NCR1: variants seen among roughly 807,000 people sequenced by gnomAD.
NCR1 encodes NK cell-activating receptor.
Under a neutral mutation model 32.5 loss-of-function variants are expected in NCR1, and 30 were observed. The observed-to-expected ratio is 0.92, with a 90% confidence interval of 0.69 to 1.25. The LOEUF is 1.25. Ranked by LOEUF, NCR1 falls within the 50% of genes most tolerant of loss-of-function variation. NCR1 has a pLI of 0.00. For synonymous variants in NCR1, 169 were observed against 143.4 expected (o/e 1.18, Z -1.28); for missense variants, 369 against 380.7 (o/e 0.97, Z 0.26).
chr19:54,931,230 T>C, the NCR1 span, among the ~76,000 whole-genome samples: 43 of 152,158 alleles, frequency 2.8e-4, no homozygotes, highest in Middle Eastern at 6.8e-3. Flanking sequence ...AAGACCAGCC[T>C]GGCCAACATG....
At chr19:54,901,078 A>T in the NCR1 span, among the ~76,000 whole-genome samples, 2 of 143,302 alleles carry the variant, frequency 1.4e-5, no homozygotes, top group Non-Finnish European at 3.0e-5. Flanking sequence ...AGGTCAGGAG[A>T]TGGAGACCAT....
chr19:54,923,441 C>T, the NCR1 span: 3 of 469,040 alleles, frequency 6.4e-6, no homozygotes, highest in African/African-American at 5.9e-5. Context: ...GCAATACTTC[C>T]TCCTAGACAA....
chr19:54,924,326 GA>G, the NCR1 span, among the ~76,000 whole-genome samples: 93 of 152,066 alleles, frequency 6.1e-4, no homozygotes, highest in African/African-American at 2.2e-3. Flanking sequence ...ATAAGTCTAA[GA>G]AAAAAAAGAT....
At chr19:54,923,885 G>C in the NCR1 span, 1 of 1,611,046 alleles carries the variant, frequency 6.2e-7, no homozygotes, top group Non-Finnish European at 8.5e-7. Context: ...GGAGGGATCA[G>C]AGAACACAAA....
At chr19:54,930,794 C>T in the NCR1 span, 6 of 774,364 alleles carry the variant, frequency 7.7e-6, no homozygotes, top group African/African-American at 8.5e-5. Context: ...TGGCTCACTG[C>T]AACCTCTGCC....
the NCR1 span, among the ~76,000 whole-genome samples, chr19:54,898,264 C>T: frequency 4.6e-5 from 7 of 152,166 alleles, no homozygotes; most frequent in Non-Finnish European, 7.3e-5. Flanking sequence ...AGTGGGGTCC[C>T]GCACAGATGG....
chr19:54,903,527 C>CAT (rs142981957), upstream of NCR1, among the ~76,000 whole-genome samples: 1 of 126,866 alleles, frequency 7.9e-6, no homozygotes, highest in African/African-American at 3.0e-5. Context: ...TGTGTGTATA[C>CAT]ATATATATGC....
At chr19:54,913,287 C>G (rs1352582561), downstream of NCR1, 1 of 156,214 alleles carries the variant, frequency 6.4e-6, no homozygotes, top group African/African-American at 2.4e-5. Flanking sequence ...CTCCTGACCT[C>G]AAGTGATCTC....
the NCR1 span, among the ~76,000 whole-genome samples, chr19:54,900,057 T>A: frequency 8.5e-5 from 13 of 152,248 alleles, no homozygotes; most frequent in Admixed American, 5.9e-4. Flanking sequence ...ATTGGTGAGA[T>A]GTTCCTTGGG....
the NCR1 span, among the ~76,000 whole-genome samples, chr19:54,935,283 G>T: frequency 7.2e-5 from 11 of 151,982 alleles, no homozygotes; most frequent in Non-Finnish European, 1.6e-4. Context: ...AGGCTGGAGT[G>T]CAGTGGCATG....
the NCR1 span, among the ~76,000 whole-genome samples, chr19:54,922,725 C>T: frequency 1.4e-5 from 2 of 138,182 alleles, no homozygotes; most frequent in Non-Finnish European, 3.0e-5. Context: ...TTGCAGTGAG[C>T]TGAGATCACG....
upstream of NCR1, among the ~76,000 whole-genome samples, chr19:54,903,792 T>G (rs1311117727): frequency 6.6e-6 from 1 of 151,584 alleles, no homozygotes; most frequent in Non-Finnish European, 1.5e-5. Context: ...TGCATAGAAT[T>G]TTTTTTTATT....
Position 54,906,182 on chromosome 19 carries a change from T to A in NCR1, c.-6T>A. 2 of 1,614,162 alleles carry A rather than the reference T, an allele frequency of 1.2e-6. No individual in the cohort carries two copies. Among genetic ancestry groups the A allele is most frequent in the East Asian group, 4.5e-5 (2 of 44,892 alleles). ...TGCTCAGCACTAGGCCGGCAGAATC[T>A]GAGCGATGTCTTCCACACTCCCTGC... is the stretch of plus-strand genomic sequence containing the variant. On this transcript the variant is annotated 5_prime_UTR_variant, in exon 1 of 7. Transcript: ENST00000291890.
downstream of NCR1, among the ~76,000 whole-genome samples, chr19:54,920,772 G>A (rs563888658): frequency 5.3e-5 from 8 of 152,262 alleles, no homozygotes; most frequent in African/African-American, 1.9e-4. Flanking sequence ...AGCTAAGATC[G>A]CACCATTGCA....
At chr19:54,908,622 C>G (rs1332512749) in intron 3 of NCR1, among the ~76,000 whole-genome samples, 1 of 151,450 alleles carries the variant, frequency 6.6e-6, no homozygotes, top group Non-Finnish European at 1.5e-5. Context: ...GGGCTGCCCC[C>G]CAACCTCCCG....
At chr19:54,924,891 C>G in the NCR1 span, among the ~76,000 whole-genome samples, 133 of 152,174 alleles carry the variant, frequency 8.7e-4, no homozygotes, top group African/African-American at 2.9e-3. Context: ...GAGCCAATAC[C>G]GCACCACTGT....
the NCR1 span, among the ~76,000 whole-genome samples, chr19:54,924,393 C>T: frequency 6.6e-6 from 1 of 152,184 alleles, no homozygotes; most frequent in African/African-American, 2.4e-5. Context: ...GAGGCCAAGG[C>T]AGGCAGATTG....
At chr19:54,907,644 T>C (rs141814688) in intron 3 of NCR1, among the ~76,000 whole-genome samples, 1,571 of 152,124 alleles carry the variant, frequency 0.01, 30 homozygotes, top group African/African-American at 0.036. Flanking sequence ...AAGGCTATGA[T>C]GTCATCAGGC....
chr19:54,912,736 C>T lies in NCR1; in HGVS notation c.780C>T (p.Gly260=). ...CTGCCCAGAATCTCCTTCGGATGGG[C>T]CTGGCCTTTCTAGTCCTGGTGGCTC... ...DHTAQNLLRM[G]LAFLVLVALV... The change falls in exon 7 of 7, where the codon GGC becomes GGT. Residue 260 remains glycine, a synonymous_variant. Coordinates refer to ENST00000291890, the MANE Select transcript of NCR1 (RefSeq NM_004829.7). 6.2e-7 allele frequency: 1 copy of T among 1,613,712 alleles called. No homozygotes were observed. Among genetic ancestry groups the T allele is most frequent in the Non-Finnish European group, 8.5e-7 (1 of 1,179,900 alleles).
Sources: gnomAD v4.1 joint callset for allele counts (sites outside exome capture counted in the v4.1 genomes callset) on GRCh38, gnomAD v4.1.1 for gene constraint, MANE v1.5 for transcripts, NCBI Gene and HGNC (gene_info 2026-07-23, HGNC 2026-07-21) for gene names.